Variants in FAAH2 observed in about 807,000 individuals in gnomAD.
FAAH2 encodes the protein fatty-acid amide hydrolase 2.
FAAH2 carries 60 observed loss-of-function variants against 36.9 expected under a neutral mutation model. The observed-to-expected ratio is 1.63, with a 90% CI of 1.32 to 2.02. The LOEUF is 2.02. Among genes scored for constraint, FAAH2 ranks in the 30% most tolerant of loss-of-function variants. The probability of loss-of-function intolerance (pLI) is 0.00; values close to 1 mark genes in which losing one functional copy is unlikely to be tolerated. For synonymous variants in FAAH2, 214 were observed against 143.8 expected, an observed-to-expected ratio of 1.49 and a Z score of -3.49; for missense variants, 689 against 397.5, an observed-to-expected ratio of 1.73 and a Z score of -6.23.
chrX:57,384,617 A>C (rs1425553678), intron 7 of FAAH2, among the ~76,000 whole-genome samples: 1 of 110,914 alleles, frequency 9.0e-6, no homozygotes, highest in Non-Finnish European at 1.9e-5. Context: ...AATCAAAACC[A>C]CAATGAGATA....
At chrX:57,443,378 C>T (rs898872213) in intron 8 of FAAH2, among the ~76,000 whole-genome samples, 6 of 111,692 alleles carry the variant, frequency 5.4e-5, no homozygotes, top group African/African-American at 1.3e-4. Context: ...TCACTGTTAC[C>T]CTTTCTTCCA....
the FAAH2 span, among the ~76,000 whole-genome samples, chrX:57,209,033 T>TG: frequency 9.0e-6 from 1 of 111,702 alleles, no homozygotes; most frequent in East Asian, 2.9e-4. Context: ...TGGCCAGATT[T>TG]GGGGGCCTGT....
At chrX:57,395,500 T>C in intron 7 of FAAH2, 1 of 383,505 alleles carries the variant, frequency 2.6e-6, no homozygotes, top group Non-Finnish European at 4.6e-6. Flanking sequence ...TCATTCAGTA[T>C]GATGTTGGCT....
At chrX:57,274,287 AG>A in the FAAH2 span, among the ~76,000 whole-genome samples, 1 of 112,055 alleles carries the variant, frequency 8.9e-6, no homozygotes, top group African/African-American at 3.2e-5. Flanking sequence ...TAACCAAAAA[AG>A]TCCAGGACCA....
the FAAH2 span, among the ~76,000 whole-genome samples, chrX:57,168,300 T>A: frequency 9.1e-6 from 1 of 110,419 alleles, no homozygotes; most frequent in Non-Finnish European, 1.9e-5. Flanking sequence ...AGAAACAAAA[T>A]TTGGCCACTA....
intron 7 of FAAH2, chrX:57,393,691 T>C (rs1466120520): frequency 3.0e-5 from 30 of 1,007,466 alleles, no homozygotes; most frequent in African/African-American, 5.7e-5. Context: ...TTTTGCCCAG[T>C]CTCTCTCTCC....
chrX:57,404,830 C>G (rs947136849), intron 7 of FAAH2, among the ~76,000 whole-genome samples: 1 of 112,168 alleles, frequency 8.9e-6, no homozygotes, highest in Non-Finnish European at 1.9e-5. Flanking sequence ...AAGGTAGGGG[C>G]ACACGCATGG....
the FAAH2 span, among the ~76,000 whole-genome samples, chrX:57,168,349 CCT>C: frequency 9.2e-6 from 1 of 109,225 alleles, no homozygotes; most frequent in South Asian, 4.0e-4. Flanking sequence ...TGTTCTAGGT[CCT>C]CTCTGCTGAT....
At chrX:57,445,765 G>A (rs980837471) in intron 8 of FAAH2, among the ~76,000 whole-genome samples, 1 of 112,454 alleles carries the variant, frequency 8.9e-6, no homozygotes, top group African/African-American at 3.2e-5. Flanking sequence ...CTCTTCACCA[G>A]CTACATTGCC....
At chrX:57,371,785 C>T (rs1252822986) in intron 5 of FAAH2, among the ~76,000 whole-genome samples, 1 of 111,460 alleles carries the variant, frequency 9.0e-6, no homozygotes. Flanking sequence ...AGGTTTTCAC[C>T]ATTAACACTT....
At chrX:57,344,053 G>T (rs772000761) in intron 5 of FAAH2, among the ~76,000 whole-genome samples, 1 of 108,747 alleles carries the variant, frequency 9.2e-6, no homozygotes, top group East Asian at 2.9e-4. Flanking sequence ...TGATTTATTT[G>T]CCTTTTGTTT....
Position 57,300,906 on chromosome X carries a change from A to G in FAAH2, c.275+8326A>G, listed in dbSNP as rs189137373. 4.3e-3 allele frequency among the ~76,000 whole-genome samples: 478 copies of G among 112,284 alleles called. 2 individuals are homozygous for G. Among genetic ancestry groups the G allele is most frequent in the South Asian group, 0.024 (64 of 2,677 alleles). ...CAGAGAAATGCAAATCAAAACCACA[A>G]TGAGATAACCATCTCACACCAGTTA... On this transcript the variant is annotated intron_variant, in intron 2 of 10. Coordinates refer to ENST00000374900, the MANE Select transcript of FAAH2 (RefSeq NM_174912.4).
the FAAH2 span, among the ~76,000 whole-genome samples, chrX:57,132,939 C>T: frequency 2.6e-3 from 297 of 112,209 alleles, 2 homozygotes; most frequent in South Asian, 0.012. Flanking sequence ...CCTTGCTCCT[C>T]AAACATGCCA....
chrX:57,143,505 C>T, the FAAH2 span, among the ~76,000 whole-genome samples: 1 of 110,330 alleles, frequency 9.1e-6, no homozygotes, highest in Non-Finnish European at 1.9e-5. Context: ...GAGATAGGAT[C>T]TCACTCTATC....
chrX:57,264,063 C>A, the FAAH2 span, among the ~76,000 whole-genome samples: 1 of 111,630 alleles, frequency 9.0e-6, no homozygotes, highest in Non-Finnish European at 1.9e-5. Flanking sequence ...AAACCCCACT[C>A]CTAGAAATTA....
chrX:57,166,854 C>T, the FAAH2 span, among the ~76,000 whole-genome samples: 31 of 111,980 alleles, frequency 2.8e-4, no homozygotes, highest in Non-Finnish European at 5.4e-4. Flanking sequence ...TAGATAAAAA[C>T]TGACTTGATC....
chrX:57,246,667 A>G, the FAAH2 span, among the ~76,000 whole-genome samples: 4 of 112,291 alleles, frequency 3.6e-5, no homozygotes, highest in Non-Finnish European at 5.6e-5. Context: ...ATTGCATAAT[A>G]AAAATCATGC....
chrX:57,339,609 C>T (rs149801730), intron 4 of FAAH2, among the ~76,000 whole-genome samples: 305 of 111,882 alleles, frequency 2.7e-3, no homozygotes, highest in African/African-American at 9.3e-3. Context: ...CCAGAGACTC[C>T]TCAAAAGAAA....
the FAAH2 span, among the ~76,000 whole-genome samples, chrX:57,159,315 C>T: frequency 9.0e-6 from 1 of 111,723 alleles, no homozygotes; most frequent in African/African-American, 3.3e-5. Context: ...ATTGACTTGG[C>T]TATGCGGGCT....
Sources: allele counts gnomAD v4.1 joint callset (sites outside exome capture counted in the v4.1 genomes callset), GRCh38; gene constraint gnomAD v4.1.1; transcripts MANE v1.5; gene names NCBI Gene and HGNC (gene_info 2026-07-23, HGNC 2026-07-21).